DPP6: variants seen among roughly 807,000 people sequenced by gnomAD.
The protein encoded by DPP6 is dipeptidyl peptidase like 6.
In DPP6, 69 loss-of-function variants were observed where a neutral mutation model predicts 122.6. That is an observed-to-expected ratio of 0.56 (90% confidence interval 0.46 to 0.69). DPP6 has a LOEUF of 0.69. Among genes scored for constraint, DPP6 ranks in the 30% least tolerant of loss-of-function variants. The probability of loss-of-function intolerance (pLI) is 0.00; values close to 1 mark genes in which losing one functional copy is unlikely to be tolerated. For missense variants in DPP6, 928 were observed against 1,116.9 expected (o/e 0.83, Z 2.41); for synonymous variants, 418 against 433.1 (o/e 0.97, Z 0.43).
the DPP6 span, among the ~76,000 whole-genome samples, chr7:153,857,534 C>T: frequency 1.2e-4 from 18 of 152,214 alleles, no homozygotes; most frequent in African/African-American, 4.1e-4. Flanking sequence ...GGAACAAAGC[C>T]ATGATTCTTT....
chr7:154,776,262 T>TA (rs778508946), intron 10 of DPP6, among the ~76,000 whole-genome samples: 1 of 139,266 alleles, frequency 7.2e-6, no homozygotes, highest in South Asian at 2.3e-4. Flanking sequence ...GATAGATAGA[T>TA]GATTGATAGA....
At chr7:154,305,819 A>G (rs946969342) in intron 1 of DPP6, among the ~76,000 whole-genome samples, 4 of 152,052 alleles carry the variant, frequency 2.6e-5, no homozygotes, top group African/African-American at 9.7e-5. Flanking sequence ...AGGTACAGGC[A>G]CAGGGAACCT....
chr7:154,323,773 C>T (rs1468100041), intron 1 of DPP6, among the ~76,000 whole-genome samples: 1 of 152,154 alleles, frequency 6.6e-6, no homozygotes, highest in Non-Finnish European at 1.5e-5. Flanking sequence ...TCATAAACTT[C>T]CCATAGAGGT....
At chr7:154,675,606 A>G (rs903291084) in intron 7 of DPP6, among the ~76,000 whole-genome samples, 3 of 152,174 alleles carry the variant, frequency 2.0e-5, no homozygotes, top group South Asian at 2.1e-4. Flanking sequence ...TACGGATTCA[A>G]TCAACTCTTC....
chr7:154,037,231 G>A (rs1442915328), intron 1 of DPP6, among the ~76,000 whole-genome samples: 2 of 152,146 alleles, frequency 1.3e-5, no homozygotes, highest in African/African-American at 4.8e-5. Flanking sequence ...TTGACCCTGC[G>A]AGGCACATGG....
At chr7:154,217,079 A>T (rs542860477) in intron 1 of DPP6, among the ~76,000 whole-genome samples, 11 of 152,292 alleles carry the variant, frequency 7.2e-5, no homozygotes, top group Admixed American at 2.6e-4. Context: ...ACTTTAAGGA[A>T]ACAGATTACT....
chr7:153,860,984 T>C, the DPP6 span, among the ~76,000 whole-genome samples: 1 of 152,188 alleles, frequency 6.6e-6, no homozygotes, highest in African/African-American at 2.4e-5. Context: ...GTAGCAGGTG[T>C]TGTGAAATTG....
chr7:154,149,234 A>G (rs1487622610), intron 1 of DPP6, among the ~76,000 whole-genome samples: 1 of 152,294 alleles, frequency 6.6e-6, no homozygotes, highest in African/African-American at 2.4e-5. Context: ...CACCCCACTC[A>G]TCCTGCACAC....
At position 154,456,564 on chromosome 7, in the gene DPP6, G is replaced by GCC. The variant is rs369438653; in HGVS notation, c.358+10243_358+10244dup. Among the ~76,000 whole-genome samples the GCC allele has an allele frequency of 9.5e-4, 92 of 96,788 alleles. No individual in the cohort carries two copies. In the South Asian group the frequency reaches 0.016, roughly 16 times the overall value. 63.5% of individuals were successfully genotyped at this position (96,788 alleles called of 152,430 possible). On this transcript the variant is annotated intron_variant, in intron 2 of 25. Coordinates refer to ENST00000377770, the MANE Select transcript of DPP6 (RefSeq NM_130797.4). Reference sequence around the variant, plus strand: ...AAGGATGCGGTAGGCTAAAAAATGCGCCCCCCCCACCAAAAAAAAAGTCCA... The same window carrying GCC: ...AAGGATGCGGTAGGCTAAAAAATGCGCCCCCCCCCCACCAAAAAAAAAGTCCA...
intron 7 of DPP6, among the ~76,000 whole-genome samples, chr7:154,672,782 C>T (rs1838646140): frequency 6.6e-6 from 1 of 152,136 alleles, no homozygotes; most frequent in South Asian, 2.1e-4. Context: ...GGAGCAGGGG[C>T]CGCCTTCTTC....
At chr7:154,198,175 T>C (rs1798967367) in intron 1 of DPP6, among the ~76,000 whole-genome samples, 1 of 152,112 alleles carries the variant, frequency 6.6e-6, no homozygotes, top group African/African-American at 2.4e-5. Context: ...TTTTCCTACT[T>C]GAGCTCTTTC....
At chr7:154,700,745 C>T (rs1840473320) in intron 7 of DPP6, among the ~76,000 whole-genome samples, 1 of 150,718 alleles carries the variant, frequency 6.6e-6, no homozygotes, top group African/African-American at 2.4e-5. Context: ...ACACAGACCT[C>T]ATCTGTCCAG....
rs899170239 is a variant in DPP6 at position 154,352,549 on chromosome 7, A to G, written c.244-93665A>G. Among the ~76,000 whole-genome samples the G allele has an allele frequency of 5.3e-5, 8 of 152,330 alleles. No homozygotes were observed. In the South Asian group the frequency reaches 1.7e-3, roughly 32 times the overall value. On this transcript the variant is annotated intron_variant, in intron 1 of 25. Transcript: ENST00000377770. ...AGGGACATGGATGAAGCTGGAAGCCATCATTCTCAGCAAACTAAAACAGGA... is the reference window on the plus strand; with the variant it reads ...AGGGACATGGATGAAGCTGGAAGCCGTCATTCTCAGCAAACTAAAACAGGA...
chr7:154,349,598 A>G (rs1810682277), intron 1 of DPP6, among the ~76,000 whole-genome samples: 1 of 152,240 alleles, frequency 6.6e-6, no homozygotes, highest in Non-Finnish European at 1.5e-5. Context: ...TCAGTGCCAC[A>G]GTAAAAATGG....
At chr7:154,757,900 G>T (rs1795238375) in intron 8 of DPP6, among the ~76,000 whole-genome samples, 1 of 152,210 alleles carries the variant, frequency 6.6e-6, no homozygotes, top group Admixed American at 6.5e-5. Flanking sequence ...CCAGGAAGTG[G>T]CTCAGGGAGG....
rs149284818 is a variant in DPP6 at position 154,294,951 on chromosome 7, C to T, written c.244-151263C>T. Among the ~76,000 whole-genome samples, 154 of 152,322 alleles carry T rather than the reference C, an allele frequency of 1.0e-3. 1 individual carries two copies. Among genetic ancestry groups the T allele is most frequent in the Middle Eastern group, 3.4e-3 (1 of 294 alleles). On this transcript the variant is annotated intron_variant, in intron 1 of 25. Transcript: ENST00000377770. ...AACAAGGCATCTGTCACGCTGCCGT[C>T]GCCAAGGTCATCTGGTGGCAGGAGG...
chr7:154,836,725 G>T (rs768015871), intron 16 of DPP6, among the ~76,000 whole-genome samples: 1 of 152,042 alleles, frequency 6.6e-6, no homozygotes, highest in Non-Finnish European at 1.5e-5. Context: ...ACCTCTTTTC[G>T]AGATGAGTTT....
At chr7:154,459,825 GAAAAGA>G (rs965543065) in intron 2 of DPP6, among the ~76,000 whole-genome samples, 7 of 124,516 alleles carry the variant, frequency 5.6e-5, no homozygotes, top group East Asian at 2.5e-4. Context: ...AAAAAAAAAA[GAAAAGA>G]AAAAGAAAAG....
At chr7:154,785,841 A>C (rs1797303394) in intron 10 of DPP6, among the ~76,000 whole-genome samples, 1 of 152,088 alleles carries the variant, frequency 6.6e-6, no homozygotes, top group African/African-American at 2.4e-5. Flanking sequence ...TTTTTGTTTC[A>C]CTTTTTGTTT....
Sources: gnomAD v4.1 joint callset for allele counts (sites outside exome capture counted in the v4.1 genomes callset) on GRCh38, gnomAD v4.1.1 for gene constraint, MANE v1.5 for transcripts, NCBI Gene and HGNC (gene_info 2026-07-23, HGNC 2026-07-21) for gene names.